DAB2IP: variants seen among roughly 807,000 people sequenced by gnomAD.
DAB2IP encodes the protein disabled homolog 2-interacting protein.
Under a neutral mutation model 107.2 loss-of-function variants are expected in DAB2IP, and 28 were observed. That is an observed-to-expected ratio of 0.26 (90% CI 0.19 to 0.36). The LOEUF is 0.36. Ranked by LOEUF, DAB2IP falls within the 10% of genes least tolerant of loss-of-function variation. The pLI is 1.00. For missense variants in DAB2IP, 1,400 were observed against 1,644.7 expected, an observed-to-expected ratio of 0.85 and a Z score of 2.57; for synonymous variants, 755 against 706.4, an observed-to-expected ratio of 1.07 and a Z score of -1.09.
chr9:121,681,491 C>T (rs1020983320), intron 2 of DAB2IP, among the ~76,000 whole-genome samples: 4 of 152,124 alleles, frequency 2.6e-5, no homozygotes, highest in African/African-American at 9.7e-5. Flanking sequence ...AACTCGCAGT[C>T]CCACCTGCCC....
intron 1 of DAB2IP, among the ~76,000 whole-genome samples, chr9:121,644,567 A>G (rs1260697207): frequency 6.6e-6 from 1 of 152,150 alleles, no homozygotes; most frequent in East Asian, 1.9e-4. Context: ...ATTGCACTTC[A>G]GCCTGGGCTT....
At position 121,772,929 on chromosome 9, in the gene DAB2IP, C is replaced by T. The variant is rs927107583; in HGVS notation, c.2401C>T (p.Arg801Trp). 7.1e-6 allele frequency: 11 copies of T among 1,558,964 alleles called. No individual in the cohort carries two copies. Among genetic ancestry groups the T allele is most frequent in the Admixed American group, 3.6e-5 (2 of 55,726 alleles). ...GAACCTGGCAGGGCTGGCCACGGTG[C>T]GGCGGGCAGGCCAGACACCAACCAC... Residue 801 changes from arginine (R) to tryptophan (W), a missense_variant, in exon 12 of 16, where the codon CGG (arginine) becomes TGG (tryptophan). By Grantham distance (101) the Arg-to-Trp change is moderately radical (BLOSUM62 -3). Coordinates refer to ENST00000408936, the Ensembl canonical transcript of DAB2IP. The surrounding 1 kb of genome is among the most constrained non-coding windows in gnomAD (Gnocchi z 4.7).
At chr9:121,679,386 G>C (rs1828454642) in intron 2 of DAB2IP, among the ~76,000 whole-genome samples, 1 of 144,908 alleles carries the variant, frequency 6.9e-6, no homozygotes, top group Non-Finnish European at 1.5e-5. Flanking sequence ...ACGTCTGACT[G>C]TTCATACCCT....
In DAB2IP at chr9:121,782,183, C is replaced by T. The variant is rs1835711086; in HGVS notation, c.3403-148C>T. 7.5e-7 allele frequency: 1 copy of T among 1,335,334 alleles called. No individual in the cohort carries two copies. The highest frequency in any genetic ancestry group is 1.5e-5 in the African/African-American group (1 of 67,780). 82.7% of individuals were successfully genotyped at this position (1,335,334 alleles called of 1,614,324 possible). ...GTCCATGATGCTGCAGAGGCCTCTG[C>T]CTACCTTCTCTTGCCAGCTGCTCAC... On this transcript the variant is annotated intron_variant, in intron 15 of 15. Transcript: ENST00000408936. This position sits in a 1 kb window ranked among gnomAD's most constrained non-coding sequence, Gnocchi z 6.1.
At chr9:121,709,724 G>A (rs1375335863) in intron 3 of DAB2IP, among the ~76,000 whole-genome samples, 3 of 152,180 alleles carry the variant, frequency 2.0e-5, no homozygotes, top group Admixed American at 6.5e-5. Flanking sequence ...AGAAGCACCC[G>A]TGTGGCAGGC....
At chr9:121,722,644 T>C (rs1355456041) in intron 3 of DAB2IP, among the ~76,000 whole-genome samples, 1 of 151,988 alleles carries the variant, frequency 6.6e-6, no homozygotes, top group East Asian at 1.9e-4. Context: ...GCCAGTGGGT[T>C]TGAAGAAGAA....
At chr9:121,628,927 G>T (rs1168097485) in intron 1 of DAB2IP, among the ~76,000 whole-genome samples, 1 of 152,150 alleles carries the variant, frequency 6.6e-6, no homozygotes, top group Non-Finnish European at 1.5e-5. Context: ...TTCTTCACAG[G>T]GCAAGTGGGA....
exon 16 of DAB2IP, chr9:121,785,257 G>C (rs910393892): frequency 1.2e-4 from 18 of 152,578 alleles, no homozygotes; most frequent in African/African-American, 4.3e-4. Context: ...GCGGGAGCCA[G>C]ACTGTCCAGG....
At chr9:121,714,641 A>G (rs1264479834) in intron 3 of DAB2IP, among the ~76,000 whole-genome samples, 1 of 152,264 alleles carries the variant, frequency 6.6e-6, no homozygotes, top group Non-Finnish European at 1.5e-5. Context: ...CATGCCAGGC[A>G]TGGTGCTAAG....
chr9:121,663,480 A>G (rs1427666436), intron 1 of DAB2IP, among the ~76,000 whole-genome samples: 1 of 152,078 alleles, frequency 6.6e-6, no homozygotes. Context: ...CCGGGCAGGA[A>G]TGGTGGGCTG....
intron 3 of DAB2IP, among the ~76,000 whole-genome samples, chr9:121,700,796 G>A (rs1189084558): frequency 2.6e-5 from 4 of 152,084 alleles, no homozygotes; most frequent in African/African-American, 4.8e-5. Flanking sequence ...CCTGCAGCTG[G>A]TTTCCTGCCC....
upstream of DAB2IP, among the ~76,000 whole-genome samples, chr9:121,649,241 G>A (rs143598574): frequency 3.5e-3 from 359 of 102,958 alleles, 18 homozygotes; most frequent in African/African-American, 9.3e-3. Flanking sequence ...TCCTCCACAA[G>A]GCAGATGGAT....
chr9:121,760,180 G>A lies in DAB2IP; in HGVS notation c.911G>A (p.Arg304Gln), dbSNP rs781334110. 1 of 1,613,692 alleles carries A rather than the reference G, an allele frequency of 6.2e-7. No homozygotes were observed. Among genetic ancestry groups the A allele is most frequent in the Non-Finnish European group, 8.5e-7 (1 of 1,180,006 alleles). Residue 304 changes from arginine to glutamine, a missense_variant, in exon 6 of 16, where the codon CGG becomes CAG. By Grantham distance (43) the Arg-to-Gln change is conservative (BLOSUM62 1). This residue lies in a region of DAB2IP where 517 missense variants were observed against 748.6 expected (regional missense o/e 0.69). Transcript: ENST00000408936. The surrounding 1 kb of genome is among the most constrained non-coding windows in gnomAD (Gnocchi z 5.9). Reference sequence around the variant, plus strand: ...CTACCTGCTGCCTCGGTGGCCGGGCGGCAGTTCGTGGAGAAGTGGTACCCG... The same window carrying A: ...CTACCTGCTGCCTCGGTGGCCGGGCAGCAGTTCGTGGAGAAGTGGTACCCG...
At chr9:121,648,196 A>G (rs1178890510), upstream of DAB2IP, among the ~76,000 whole-genome samples, 3 of 152,146 alleles carry the variant, frequency 2.0e-5, no homozygotes, top group African/African-American at 7.2e-5. Flanking sequence ...AAATCTCACA[A>G]ATCACCACTG....
intron 1 of DAB2IP, among the ~76,000 whole-genome samples, chr9:121,668,907 CTTTTTTTTTTTT>C (rs377320590): frequency 1.4e-4 from 10 of 72,152 alleles, no homozygotes; most frequent in Admixed American, 3.8e-4. Context: ...GTAAGCCTTA[CTTTTTTTTTTTT>C]TTTTTTTTTT....
At position 121,776,435 on chromosome 9, in the gene DAB2IP, GC is replaced by G; in HGVS notation, c.3314+45del. The G allele has an allele frequency of 6.8e-7, 1 of 1,468,184 alleles. No homozygotes were observed. Among genetic ancestry groups the G allele is most frequent in the South Asian group, 1.4e-5 (1 of 70,344 alleles). 90.9% of individuals were successfully genotyped at this position (1,468,184 alleles called of 1,614,324 possible). The stretch of plus-strand genomic sequence containing the variant: ...TGGCCTGGCCACAGGCACAGGCAGG[GC>G]AGCCATCGCTGCCTTCGAGGAGGCC... On this transcript the variant is annotated intron_variant, in intron 14 of 15. Transcript: ENST00000408936. This position sits in a 1 kb window ranked among gnomAD's most constrained non-coding sequence, Gnocchi z 5.4.
Position 121,702,041 on chromosome 9 carries a change from C to T in DAB2IP, c.362+2583C>T, listed in dbSNP as rs1017837347. On this transcript the variant is annotated intron_variant, in intron 3 of 15. Transcript: ENST00000408936. The surrounding 1 kb of genome is among the most constrained non-coding windows in gnomAD (Gnocchi z 4.5). Reference sequence around the variant, plus strand: ...GGCTTCTAGGGTGTCGAGCGGGAGTCCTGGTCCCCATGGCCTTCCCGTGTA... The same window carrying T: ...GGCTTCTAGGGTGTCGAGCGGGAGTTCTGGTCCCCATGGCCTTCCCGTGTA... Among the ~76,000 whole-genome samples the T allele has an allele frequency of 2.0e-5, 3 of 152,144 alleles. No individual in the cohort carries two copies. The highest frequency in any genetic ancestry group is 4.4e-5 in the Non-Finnish European group (3 of 68,032).
chr9:121,647,855 T>A (rs1461576796), upstream of DAB2IP, among the ~76,000 whole-genome samples: 2 of 149,360 alleles, frequency 1.3e-5, no homozygotes, highest in South Asian at 4.2e-4. Flanking sequence ...TATATATACA[T>A]ACATATACGT....
intron 1 of DAB2IP, chr9:121,567,282 C>G: frequency 6.2e-7 from 1 of 1,612,032 alleles, no homozygotes; most frequent in African/African-American, 1.3e-5. Flanking sequence ...CTCTGCTCAA[C>G]AGACTTTTCT....
Sources: gnomAD v4.1 joint callset for allele counts (sites outside exome capture counted in the v4.1 genomes callset) on GRCh38, gnomAD v4.1.1 for gene constraint, gnomAD v4.1.1 regional missense constraint, Gnocchi (gnomAD v3.1) non-coding constraint, MANE v1.5 for transcripts, NCBI Gene and HGNC (gene_info 2026-07-23, HGNC 2026-07-21) for gene names.